Variants in PSTK observed in about 807,000 individuals in gnomAD.
PSTK encodes phosphoseryl-tRNA kinase.
PSTK carries 26 observed loss-of-function variants against 38.6 expected under a neutral mutation model. The observed-to-expected ratio is 0.67, with a 90% confidence interval of 0.49 to 0.94. The LOEUF (loss-of-function observed/expected upper bound fraction) is 0.94, where lower values mean the gene tolerates loss of function less well. Ranked by LOEUF, PSTK falls within the 40% of genes least tolerant of loss-of-function variation. The pLI is 0.00. For synonymous variants in PSTK, 181 were observed against 161.7 expected (o/e 1.12, Z -0.91); for missense variants, 445 against 436.3 (o/e 1.02, Z -0.18).
chr10:122,987,982 A>G (rs1564731830), intron 5 of PSTK, among the ~76,000 whole-genome samples: 5 of 152,238 alleles, frequency 3.3e-5, no homozygotes, highest in African/African-American at 4.8e-5. Context: ...TATACCAGCC[A>G]TACTGTTTTT....
Position 122,990,299 on chromosome 10 carries a change from A to G in PSTK, c.1003A>G (p.Ile335Val). The G allele has an allele frequency of 1.3e-6, 2 of 1,528,722 alleles. No individual in the cohort carries two copies. Among genetic ancestry groups the G allele is most frequent in the Admixed American group, 4.4e-5 (2 of 45,600 alleles). The allele number at this position is 1,528,722 out of a possible 1,614,324, so 94.7% of individuals were successfully genotyped here. A position where few individuals can be genotyped will look rare whatever the true frequency, so the allele number is the denominator to read the frequency against. ...KYLCFQQTIDIPDVISFFHYE... is the reference protein window; with the variant it reads ...KYLCFQQTIDVPDVISFFHYE... ...TCTGTGCTTTCAGCAAACCATTGAC[A>G]TACCAGATGTCATTTCTTTTTTTCA... is the stretch of plus-strand genomic sequence containing the variant. Residue 335 changes from isoleucine (I) to valine (V), a missense_variant, in exon 6 of 6, where the codon ATA becomes GTA. Ile to Val is a conservative substitution (Grantham distance 29). Coordinates refer to ENST00000406217, the MANE Select transcript of PSTK (RefSeq NM_001363531.2).
Position 122,986,320 on chromosome 10 carries a change from T to C in PSTK, c.728T>C (p.Leu243Ser), listed in dbSNP as rs760332404. 1 of 1,610,190 alleles carries C rather than the reference T, an allele frequency of 6.2e-7. No homozygotes were observed. Among genetic ancestry groups the C allele is most frequent in the South Asian group, 1.1e-5 (1 of 90,732 alleles). Residue 243 changes from leucine to serine, a missense_variant, in exon 4 of 6, where the codon TTG (leucine) becomes TCG (serine). Coordinates refer to ENST00000406217, the MANE Select transcript of PSTK (RefSeq NM_001363531.2). Reference protein sequence around the residue: ...SEASLEVTDLLLTALENPVKY... With the variant: ...SEASLEVTDLSLTALENPVKY... ...TGTAGCCTGGAAGTGACTGATTTAT[T>C]GCTCACTGCTTTGGAAAATCCAGTA...
Position 122,980,812 on chromosome 10 carries a change from G to A in PSTK, c.216+117G>A, listed in dbSNP as rs1848950824. 2 of 1,289,310 alleles carry A rather than the reference G, an allele frequency of 1.6e-6. No individual in the cohort carries two copies. The highest frequency in any genetic ancestry group is 4.9e-5 in the South Asian group (2 of 40,814). 79.9% of individuals were successfully genotyped at this position (1,289,310 alleles called of 1,614,324 possible). Reference sequence around the variant, plus strand: ...ATTTGCCATGAGCGCCCATTGCTTGGTGTGGGAGGTGAAGTTCGAGAAAAG... The same window carrying A: ...ATTTGCCATGAGCGCCCATTGCTTGATGTGGGAGGTGAAGTTCGAGAAAAG... On this transcript the variant is annotated intron_variant, in intron 1 of 5. Coordinates refer to ENST00000406217, the MANE Select transcript of PSTK (RefSeq NM_001363531.2). This position sits in a 1 kb window ranked among gnomAD's most constrained non-coding sequence, Gnocchi z 4.3.
At chr10:122,988,039 C>T (rs1421438055) in intron 5 of PSTK, among the ~76,000 whole-genome samples, 1 of 152,108 alleles carries the variant, frequency 6.6e-6, no homozygotes, top group East Asian at 1.9e-4. Flanking sequence ...ATATTGTAAC[C>T]CAGGGTATAA....
At chr10:122,988,200 G>A (rs529902626) in intron 5 of PSTK, among the ~76,000 whole-genome samples, 27 of 152,134 alleles carry the variant, frequency 1.8e-4, no homozygotes, top group African/African-American at 5.3e-4. Flanking sequence ...ACAGAGGACC[G>A]GAACAGAAAT....
At chr10:122,986,278 T>G (rs770035306) in intron 3 of PSTK, 22 bp from the exon 4 acceptor site, 12 of 1,532,004 alleles carry the variant, frequency 7.8e-6, no homozygotes, top group Non-Finnish European at 1.1e-5. Context: ...ATCTATTGTA[T>G]TTTATCCCAT....
intron 3 of PSTK, chr10:122,984,821 C>T (rs1463044102): frequency 6.6e-6 from 1 of 152,210 alleles, no homozygotes; most frequent in Non-Finnish European, 1.5e-5. Context: ...GTTCTGAACA[C>T]TTTATATATA....
At chr10:122,987,045 A>C in intron 5 of PSTK, 83 bp downstream of exon 5, 1 of 994,198 alleles carries the variant, frequency 1.0e-6, no homozygotes, top group Non-Finnish European at 1.6e-6. Flanking sequence ...AGAGTTTATT[A>C]GTTTTCAGTC....
chr10:122,987,496 C>A, intron 5 of PSTK: 1 of 1,613,010 alleles, frequency 6.2e-7, no homozygotes, highest in South Asian at 1.1e-5. Context: ...CCATTGAGCA[C>A]GGGGTGAGGT....
intron 3 of PSTK, 185 bp downstream of exon 3, chr10:122,983,655 T>G: frequency 3.4e-6 from 2 of 590,136 alleles, no homozygotes; most frequent in South Asian, 2.1e-5. Flanking sequence ...AACCCAAGTT[T>G]ATTTGCAAAT....
rs548502002 is a variant in PSTK, at chr10:122,980,836, A to G, written c.216+141A>G. On this transcript the variant is annotated intron_variant, in intron 1 of 5. Coordinates refer to ENST00000406217, the MANE Select transcript of PSTK (RefSeq NM_001363531.2). The surrounding 1 kb of genome is among the most constrained non-coding windows in gnomAD (Gnocchi z 4.3). ...GGTGTGGGAGGTGAAGTTCGAGAAA[A>G]GTGGAGCTGGGTTAACATAGTTACT... 49 of 1,291,722 alleles carry G rather than the reference A, an allele frequency of 3.8e-5. No homozygotes were observed. In the African/African-American group the frequency reaches 7.0e-4, roughly 18 times the overall value. 80.0% of individuals were successfully genotyped at this position (1,291,722 alleles called of 1,614,324 possible).
chr10:122,988,144 A>T (rs1849060784), intron 5 of PSTK, among the ~76,000 whole-genome samples: 1 of 152,224 alleles, frequency 6.6e-6, no homozygotes. Flanking sequence ...TTTTAGAAAA[A>T]TACCGATTGC....
chr10:122,980,736 G>A lies in PSTK; in HGVS notation c.216+41G>A. 7.8e-7 allele frequency: 1 copy of A among 1,284,054 alleles called. No homozygotes were observed. The allele number at this position is 1,284,054 out of a possible 1,614,324, so 79.5% of individuals were successfully genotyped here. On this transcript the variant is annotated intron_variant, in intron 1 of 5. Transcript: ENST00000406217. The surrounding 1 kb of genome is among the most constrained non-coding windows in gnomAD (Gnocchi z 4.3). ...CGGGGCCTGGGCCGCGGGGCGGGGCGGGGCGGGGCGGGGCGGGGCGGGGAC... is the reference window on the plus strand; with the variant it reads ...CGGGGCCTGGGCCGCGGGGCGGGGCAGGGCGGGGCGGGGCGGGGCGGGGAC...
intron 5 of PSTK, among the ~76,000 whole-genome samples, chr10:122,988,385 A>C (rs1357355728): frequency 1.3e-5 from 2 of 152,040 alleles, no homozygotes; most frequent in Middle Eastern, 3.4e-3. Flanking sequence ...ATAGAGAGAG[A>C]GCCATATATA....
Position 122,990,349 on chromosome 10 carries a change from G to T in PSTK, c.1053G>T (p.Gln351His). The T allele has an allele frequency of 6.8e-7, 1 of 1,462,722 alleles. No individual in the cohort carries two copies. Among genetic ancestry groups the T allele is most frequent in the Non-Finnish European group, 9.1e-7 (1 of 1,103,596 alleles). 90.6% of individuals were successfully genotyped at this position (1,462,722 alleles called of 1,614,324 possible). Reference protein sequence around the residue: ...FFHYEKDNIVQKYFSKQH With the variant: ...FFHYEKDNIVHKYFSKQH ...ATTATGAGAAAGATAATATTGTACA[G>T]AAGTATTTTTCAAAGCAGCATTAAA... The change falls in exon 6 of 6, where the codon CAG (glutamine) becomes CAT (histidine). Residue 351 changes from glutamine to histidine, a missense_variant. By Grantham distance (24) the Gln-to-His change is conservative. Coordinates refer to ENST00000406217, the MANE Select transcript of PSTK (RefSeq NM_001363531.2).
intron 3 of PSTK, chr10:122,983,702 G>T: frequency 2.1e-6 from 1 of 476,880 alleles, no homozygotes; most frequent in Non-Finnish European, 3.7e-6. Flanking sequence ...CTGTCTTCCA[G>T]TAGTTGGAGC....
chr10:122,983,969 G>C (rs188334041), intron 3 of PSTK: 1 of 153,582 alleles, frequency 6.5e-6, no homozygotes, highest in Non-Finnish European at 1.4e-5. Context: ...CTTCGCTGGC[G>C]ATGGAAATGT....
In PSTK at chr10:122,983,005, C is replaced by T; in HGVS notation, c.489C>T (p.Val163=). The T allele has an allele frequency of 6.2e-7, 1 of 1,608,084 alleles. No homozygotes were observed. The highest frequency in any genetic ancestry group is 8.5e-7 in the Non-Finnish European group (1 of 1,177,070). ...ATTATCAGAGTATGAGATATGAAGTCTACCAGCTGGCTCGGAAATGTAATT... is the reference window on the plus strand; with the variant it reads ...ATTATCAGAGTATGAGATATGAAGTTTACCAGCTGGCTCGGAAATGTAATT... The part of the protein sequence containing the change: ...NFYYQSMRYE[V]YQLARKYSLG... Residue 163 remains valine, a synonymous_variant, in exon 2 of 6, where the codon GTC becomes GTT. Transcript: ENST00000406217.
At chr10:122,986,443 C>A in intron 4 of PSTK, 68 bp downstream of exon 4, 1 of 1,140,520 alleles carries the variant, frequency 8.8e-7, no homozygotes, top group Non-Finnish European at 1.3e-6. Flanking sequence ...TCTTTTGAGC[C>A]GAATATAAAA....
Sources: allele counts gnomAD v4.1 joint callset (sites outside exome capture counted in the v4.1 genomes callset), GRCh38; gene constraint gnomAD v4.1.1; non-coding constraint Gnocchi (gnomAD v3.1); transcripts MANE v1.5; gene names NCBI Gene and HGNC (gene_info 2026-07-23, HGNC 2026-07-21).